RPL5: variants seen among roughly 807,000 people sequenced by gnomAD.
The protein encoded by RPL5 is large ribosomal subunit protein uL18.
Under a neutral mutation model 38.4 loss-of-function variants are expected in RPL5, and 1 was observed. The observed-to-expected ratio is 0.03, with a 90% CI of 0.01 to 0.12. RPL5 has a LOEUF of 0.12. Ranked by LOEUF, RPL5 falls within the 10% of genes least tolerant of loss-of-function variation. The pLI is 1.00. For synonymous variants in RPL5, 109 were observed against 121.2 expected (o/e 0.90, Z 0.66); for missense variants, 243 against 374.1 (o/e 0.65, Z 2.89).
At position 92,832,355 on chromosome 1, in the gene RPL5, A is replaced by C. The variant is rs1413890774; in HGVS notation, c.3+238A>C. 9 of 660,658 alleles carry C rather than the reference A, an allele frequency of 1.4e-5. No individual in the cohort carries two copies. The Admixed American group carries it at 2.0e-4, about 15-fold the overall frequency. 40.9% of individuals were successfully genotyped at this position (660,658 alleles called of 1,614,324 possible). ...CGTGAGCTTGGACGGCGGATTGGGG[A>C]GAAGGGTGAGTTTAGTAGACAGCCT... On this transcript the variant is annotated intron_variant, in intron 1 of 7. Transcript: ENST00000370321.
At chr1:92,832,572 C>T (rs914916411) in intron 1 of RPL5, among the ~76,000 whole-genome samples, 4 of 152,126 alleles carry the variant, frequency 2.6e-5, no homozygotes, top group Admixed American at 6.5e-5. Flanking sequence ...GCCGGCAAGT[C>T]TTAGATTTAG....
At position 92,834,793 on chromosome 1, in the gene RPL5, T is replaced by A. The variant is rs1031900489; in HGVS notation, c.204T>A (p.Arg68=). ...TCTTACTATAGATTGCTTATGCCCG[T>A]ATAGAGGGGGATATGATAGTCTGCG... ...RDIICQIAYA[R]IEGDMIVCAA... Residue 68 remains arginine (R), a synonymous_variant, in exon 4 of 8, where the codon CGT becomes CGA. Coordinates refer to ENST00000370321, the MANE Select transcript of RPL5 (RefSeq NM_000969.5). The A allele has an allele frequency of 3.1e-6, 5 of 1,613,216 alleles. No individual in the cohort carries two copies. In the Admixed American group the frequency reaches 5.0e-5, roughly 16 times the overall value.
Position 92,841,746 on chromosome 1 carries a change from T to A in RPL5, c.795-20T>A. 6.5e-7 allele frequency: 1 copy of A among 1,538,552 alleles called. No homozygotes were observed. Among genetic ancestry groups the A allele is most frequent in the South Asian group, 1.1e-5 (1 of 88,804 alleles). ...CTCTTCAGTTATAGTTTAAAAAATA[T>A]ATATTCCTATCTTTTGTAGGTGGAA... On this transcript the variant is annotated intron_variant, in intron 7 of 7. Coordinates refer to ENST00000370321, the MANE Select transcript of RPL5 (RefSeq NM_000969.5).
Position 92,833,375 on chromosome 1 carries a change from C to A in RPL5, c.4-14C>A. The A allele has an allele frequency of 6.3e-7, 1 of 1,597,408 alleles. No individual in the cohort carries two copies. Among genetic ancestry groups the A allele is most frequent in the South Asian group, 1.1e-5 (1 of 90,718 alleles). On this transcript the variant is annotated splice_polypyrimidine_tract_variant and intron_variant, in intron 1 of 7. Coordinates refer to ENST00000370321, the MANE Select transcript of RPL5 (RefSeq NM_000969.5). ...AAGACATCAAAGTTTTAATAACATT[C>A]TTTTTTCTTTAAGGGGTTTGTTAAA... is the stretch of plus-strand genomic sequence containing the variant.
At chr1:92,834,676 C>A in intron 3 of RPL5, 103 bp from the exon 4 acceptor site, 2 of 1,469,792 alleles carry the variant, frequency 1.4e-6, no homozygotes, top group Non-Finnish European at 1.9e-6. Flanking sequence ...AAGTGATGTT[C>A]ATCTGTGTCC....
chr1:92,832,085 A>G lies in RPL5; in HGVS notation c.-30A>G, dbSNP rs1686927273. ...CCGCTGGGCCTGCAGGTCTCTGTCG[A>G]GCAGCGGACGCCGGTCTCTGTTCCG... On this transcript the variant is annotated 5_prime_UTR_variant, in exon 1 of 8. Coordinates refer to ENST00000370321, the MANE Select transcript of RPL5 (RefSeq NM_000969.5). 6.2e-7 allele frequency: 1 copy of G among 1,613,816 alleles called. No homozygotes were observed. Among genetic ancestry groups the G allele is most frequent in the Non-Finnish European group, 8.5e-7 (1 of 1,179,892 alleles).
chr1:92,833,500 C>T (rs1279693237), intron 2 of RPL5, 42 bp downstream of exon 2: 2 of 1,610,764 alleles, frequency 1.2e-6, no homozygotes, highest in Admixed American at 1.7e-5. Context: ...ATCTGCTTTG[C>T]AGATGCAGTG....
chr1:92,839,877 G>A (rs1004399354), intron 6 of RPL5, among the ~76,000 whole-genome samples: 2 of 151,350 alleles, frequency 1.3e-5, no homozygotes, highest in Admixed American at 6.6e-5. Flanking sequence ...ATCTTGTTCT[G>A]TTTCCTGGGC....
intron 6 of RPL5, 88 bp from the exon 7 acceptor site, chr1:92,840,463 C>A: frequency 1.0e-6 from 1 of 966,822 alleles, no homozygotes; most frequent in Non-Finnish European, 1.7e-6. Flanking sequence ...GAGAATCTGG[C>A]TTAGAAGGAC....
intron 6 of RPL5, among the ~76,000 whole-genome samples, chr1:92,838,369 C>G (rs978307299): frequency 2.6e-5 from 4 of 152,138 alleles, no homozygotes; most frequent in Non-Finnish European, 4.4e-5. Context: ...TGACTTCATC[C>G]TGGTAAAGAG....
At chr1:92,832,865 A>C in intron 1 of RPL5, 1 of 619,980 alleles carries the variant, frequency 1.6e-6, no homozygotes, top group South Asian at 1.9e-5. Flanking sequence ...CAGGTAATTT[A>C]GGCTTTTGAA....
At chr1:92,840,327 G>A (rs1372859668) in intron 6 of RPL5, 3 of 481,192 alleles carry the variant, frequency 6.2e-6, no homozygotes, top group Admixed American at 6.8e-5. Context: ...TTTTTCTTGA[G>A]TAAGATGGAG....
At chr1:92,839,387 T>C (rs934445131) in intron 6 of RPL5, among the ~76,000 whole-genome samples, 1 of 152,090 alleles carries the variant, frequency 6.6e-6, no homozygotes, top group Non-Finnish European at 1.5e-5. Context: ...CAATAAAATA[T>C]CTGATCGGTT....
chr1:92,833,281 T>C, intron 1 of RPL5, 108 bp from the exon 2 acceptor site: 1 of 895,034 alleles, frequency 1.1e-6, no homozygotes, highest in Non-Finnish European at 1.8e-6. Context: ...GTGACAGTTG[T>C]CTGTTTACTC....
intron 6 of RPL5, 89 bp downstream of exon 6, chr1:92,837,722 A>G (rs1687184395): frequency 9.4e-7 from 1 of 1,063,272 alleles, no homozygotes; most frequent in Admixed American, 1.9e-5. Context: ...ATTCTTATAT[A>G]GGTGTGTTTC....
chr1:92,839,100 C>T (rs1405134073), intron 6 of RPL5, among the ~76,000 whole-genome samples: 1 of 151,138 alleles, frequency 6.6e-6, no homozygotes, highest in African/African-American at 2.4e-5. Context: ...TGGCTCACGC[C>T]TGTAATCCCC....
At chr1:92,833,034 C>T (rs772003988) in intron 1 of RPL5, 3 of 739,322 alleles carry the variant, frequency 4.1e-6, no homozygotes, top group Admixed American at 3.7e-5. Flanking sequence ...CGGTGCTGGT[C>T]CTTGAAGAAA....
At chr1:92,833,202 T>C (rs1013160400) in intron 1 of RPL5, 187 bp from the exon 2 acceptor site, 12 of 652,082 alleles carry the variant, frequency 1.8e-5, no homozygotes, top group Non-Finnish European at 3.0e-5. Context: ...AAACTACTAG[T>C]CTGTGACATG....
chr1:92,834,908 C>G lies in RPL5; in HGVS notation c.319C>G (p.Arg107Gly). ...AAYCTGLLLA[R>G]RLLNRFGMDK... Reference sequence around the variant, plus strand: ...ATATTGTACTGGCCTGCTGCTGGCCCGCAGGGTATGTACAAGATGATTTTA... The same window carrying G: ...ATATTGTACTGGCCTGCTGCTGGCCGGCAGGGTATGTACAAGATGATTTTA... Residue 107 changes from arginine (R) to glycine (G), a missense_variant, in exon 4 of 8, where the codon CGC becomes GGC. Arg to Gly is a moderately radical substitution (Grantham distance 125). Transcript: ENST00000370321. The G allele has an allele frequency of 6.2e-7, 1 of 1,601,044 alleles. No homozygotes were observed. Among genetic ancestry groups the G allele is most frequent in the Non-Finnish European group, 8.5e-7 (1 of 1,179,980 alleles).
Sources: allele counts gnomAD v4.1 joint callset (sites outside exome capture counted in the v4.1 genomes callset), GRCh38; gene constraint gnomAD v4.1.1; transcripts MANE v1.5; gene names NCBI Gene and HGNC (gene_info 2026-07-23, HGNC 2026-07-21).